The following CSTF1 variants were observed in gnomAD, a reference collection of about 807,000 sequenced individuals.
The protein encoded by CSTF1 is CF-1 50 kDa subunit.
In CSTF1, 2 loss-of-function variants were observed where a neutral mutation model predicts 40.9. The ratio of observed to expected loss-of-function variants is 0.05; its 90% CI spans 0.02 to 0.15. The LOEUF is 0.15. CSTF1 is among the 10% of genes least tolerant of loss of function. The pLI, the probability that CSTF1 is intolerant of heterozygous loss-of-function variation, is 1.00. For synonymous variants in CSTF1, 218 were observed against 207.2 expected, an observed-to-expected ratio of 1.05 and a Z score of -0.45; for missense variants, 279 against 558.9, an observed-to-expected ratio of 0.50 and a Z score of 5.05.
rs1000331001 is a variant in CSTF1, at chr20:56,405,926, T to A, written c.*2199T>A. The stretch of plus-strand genomic sequence containing the variant: ...TGTTTCCCTATTATTCTGCTTTGAC[T>A]CACATACTAAAATGACCACATGGCA... On this transcript the variant is annotated 3_prime_UTR_variant, in exon 6 of 6. Coordinates refer to ENST00000217109, the MANE Select transcript of CSTF1 (RefSeq NM_001324.3). 3 of 152,252 alleles carry A rather than the reference T, an allele frequency of 2.0e-5. No individual in the cohort carries two copies. The highest frequency in any genetic ancestry group is 7.2e-5 in the African/African-American group (3 of 41,476). 9.4% of individuals were successfully genotyped at this position (152,252 alleles called of 1,614,324 possible).
Position 56,397,992 on chromosome 20 carries a change from G to C in CSTF1, c.645+151G>C, listed in dbSNP as rs988893858. 2.4e-5 allele frequency: 16 copies of C among 659,462 alleles called. No homozygotes were observed. Among genetic ancestry groups the C allele is most frequent in the South Asian group, 7.7e-5 (4 of 51,762 alleles). 40.9% of individuals were successfully genotyped at this position (659,462 alleles called of 1,614,324 possible). On this transcript the variant is annotated intron_variant, in intron 4 of 5. Coordinates refer to ENST00000217109, the MANE Select transcript of CSTF1 (RefSeq NM_001324.3). This position sits in a 1 kb window ranked among gnomAD's most constrained non-coding sequence, Gnocchi z 4.4. ...CCCGATGGCACATGGATCAGATTTT[G>C]TTGGCACATAGATCACATGCTATCA...
At position 56,396,663 on chromosome 20, in the gene CSTF1, A is replaced by G. The variant is rs1159794107; in HGVS notation, c.170-544A>G. ...GTCATTTTTATTTTCTTGTTCATCCATAGTGTTAATTTTTCCTCTACTAAT... is the reference window on the plus strand; with the variant it reads ...GTCATTTTTATTTTCTTGTTCATCCGTAGTGTTAATTTTTCCTCTACTAAT... On this transcript the variant is annotated intron_variant, in intron 2 of 5. Coordinates refer to ENST00000217109, the MANE Select transcript of CSTF1 (RefSeq NM_001324.3). 2.6e-5 allele frequency among the ~76,000 whole-genome samples: 4 copies of G among 152,328 alleles called. No homozygotes were observed. The East Asian group carries it at 5.8e-4, about 22-fold the overall frequency.
intron 1 of CSTF1, among the ~76,000 whole-genome samples, chr20:56,394,177 T>C (rs1392143832): frequency 6.6e-6 from 1 of 152,238 alleles, no homozygotes; most frequent in Non-Finnish European, 1.5e-5. Context: ...ATTGAATGAT[T>C]TTATTCAGTG....
At chr20:56,395,903 T>G in intron 2 of CSTF1, 182 bp downstream of exon 2, 1 of 614,428 alleles carries the variant, frequency 1.6e-6, no homozygotes, top group East Asian at 2.9e-5. Context: ...AAAGCAAAGT[T>G]CAGATTATGA....
At chr20:56,394,566 G>A (rs1174399441) in intron 1 of CSTF1, among the ~76,000 whole-genome samples, 2 of 152,168 alleles carry the variant, frequency 1.3e-5, no homozygotes, top group African/African-American at 2.4e-5. Flanking sequence ...AAGCCTGGGC[G>A]ACAGAGCGAG....
At chr20:56,398,814 A>G (rs1442927400) in intron 4 of CSTF1, among the ~76,000 whole-genome samples, 153 bp from the exon 5 acceptor site, 1 of 152,220 alleles carries the variant, frequency 6.6e-6, no homozygotes, top group Non-Finnish European at 1.5e-5. Context: ...ATACTTTCAT[A>G]TGTTCCAGAA....
At position 56,397,014 on chromosome 20, in the gene CSTF1, C is replaced by T; in HGVS notation, c.170-193C>T. 1.7e-6 allele frequency: 1 copy of T among 589,270 alleles called. No homozygotes were observed. The highest frequency in any genetic ancestry group is 2.9e-6 in the Non-Finnish European group (1 of 341,974). The allele number at this position is 589,270 out of a possible 1,614,324, so 36.5% of individuals were successfully genotyped here. A position where few individuals can be genotyped will look rare whatever the true frequency, so the allele number is the denominator to read the frequency against. ...CCTAACCTTCCAGCAACCCATGTGGCCTCACAGCGTGGTGAACTTTGAATA... is the reference window on the plus strand; with the variant it reads ...CCTAACCTTCCAGCAACCCATGTGGTCTCACAGCGTGGTGAACTTTGAATA... On this transcript the variant is annotated intron_variant, in intron 2 of 5. Coordinates refer to ENST00000217109, the MANE Select transcript of CSTF1 (RefSeq NM_001324.3). This position sits in a 1 kb window ranked among gnomAD's most constrained non-coding sequence, Gnocchi z 4.4.
At position 56,403,757 on chromosome 20, in the gene CSTF1, G is replaced by C. The variant is rs185706466; in HGVS notation, c.*30G>C. The C allele has an allele frequency of 5.6e-4, 896 of 1,587,850 alleles. 8 individuals carry two copies. The African/African-American group carries it at 0.011, about 19-fold the overall frequency. ...CCCTCTCCGTAGGGTTCTTTCTCGA[G>C]GACTCTACCCTCCTCCCCCACGTCC... On this transcript the variant is annotated 3_prime_UTR_variant, in exon 6 of 6. Coordinates refer to ENST00000217109, the MANE Select transcript of CSTF1 (RefSeq NM_001324.3).
intron 1 of CSTF1, among the ~76,000 whole-genome samples, chr20:56,395,133 A>G (rs1987479635): frequency 6.6e-6 from 1 of 152,250 alleles, no homozygotes; most frequent in African/African-American, 2.4e-5. Flanking sequence ...TATCTTGCAT[A>G]TTGCAGGTAC....
intron 5 of CSTF1, among the ~76,000 whole-genome samples, chr20:56,400,336 G>A (rs1373446460): frequency 1.3e-5 from 2 of 152,104 alleles, no homozygotes; most frequent in African/African-American, 4.8e-5. Flanking sequence ...ATAATTCTTG[G>A]TGACTTCATT....
intron 5 of CSTF1, among the ~76,000 whole-genome samples, chr20:56,403,207 C>A (rs920492396): frequency 2.6e-5 from 4 of 151,426 alleles, no homozygotes; most frequent in Non-Finnish European, 5.9e-5. Context: ...CTTGCTCTTG[C>A]TCTGTTGCCT....
chr20:56,394,317 G>A (rs916313414), intron 1 of CSTF1, among the ~76,000 whole-genome samples: 6 of 152,140 alleles, frequency 3.9e-5, no homozygotes, highest in Non-Finnish European at 5.9e-5. Flanking sequence ...CAGGCGCAGT[G>A]GCTCGCGCCC....
At chr20:56,400,493 AGT>A (rs754117467) in intron 5 of CSTF1, among the ~76,000 whole-genome samples, 1 of 152,196 alleles carries the variant, frequency 6.6e-6, no homozygotes, top group Non-Finnish European at 1.5e-5. Flanking sequence ...TGTTTTAAGG[AGT>A]GTGCTGTATC....
At chr20:56,393,378 A>G (rs531794012) in intron 1 of CSTF1, among the ~76,000 whole-genome samples, 122 of 152,208 alleles carry the variant, frequency 8.0e-4, no homozygotes, top group Non-Finnish European at 1.6e-3. Context: ...GAGCTAGCAT[A>G]CGGAAATTAT....
Position 56,397,787 on chromosome 20 carries a change from T to C in CSTF1, c.591T>C (p.Leu197=), listed in dbSNP as rs1283532482. ...CTTCTGGTTCAAGGGATTATACTCT[T>C]AAATTATTTGATTATTCCAAACCAT... ...ILASGSRDYT[L]KLFDYSKPSA... is the part of the protein sequence containing the mutation. The change falls in exon 4 of 6, where the codon CTT becomes CTC. Residue 197 remains leucine, a synonymous_variant. Coordinates refer to ENST00000217109, the MANE Select transcript of CSTF1 (RefSeq NM_001324.3). This position sits in a 1 kb window ranked among gnomAD's most constrained non-coding sequence, Gnocchi z 4.4. 6.2e-7 allele frequency: 1 copy of C among 1,614,160 alleles called. No homozygotes were observed. Among genetic ancestry groups the C allele is most frequent in the Non-Finnish European group, 8.5e-7 (1 of 1,179,976 alleles).
chr20:56,398,649 T>A (rs1978331491), intron 4 of CSTF1, among the ~76,000 whole-genome samples: 1 of 152,222 alleles, frequency 6.6e-6, no homozygotes, highest in African/African-American at 2.4e-5. Context: ...TAGGTACAAG[T>A]TGTACTTCAG....
rs1978364676 is a variant in CSTF1 at position 56,399,571 on chromosome 20, C to G, written c.1036+214C>G. On this transcript the variant is annotated intron_variant, in intron 5 of 5. Transcript: ENST00000217109. The surrounding 1 kb of genome is among the most constrained non-coding windows in gnomAD (Gnocchi z 4.6). Reference sequence around the variant, plus strand: ...ATAGAACGGTGCTTTCTTTGCTCTTCTGAGCACCTCACACCGTGGACTAGG... The same window carrying G: ...ATAGAACGGTGCTTTCTTTGCTCTTGTGAGCACCTCACACCGTGGACTAGG... Among the ~76,000 whole-genome samples, 1 of 152,228 alleles carries G rather than the reference C, an allele frequency of 6.6e-6. No individual in the cohort carries two copies. Among genetic ancestry groups the G allele is most frequent in the South Asian group, 2.1e-4 (1 of 4,832 alleles).
At position 56,399,127 on chromosome 20, in the gene CSTF1, A is replaced by G. The variant is rs771051331; in HGVS notation, c.806A>G (p.Asn269Ser). The change falls in exon 5 of 6, where the codon AAT becomes AGT. Residue 269 changes from asparagine (N) to serine (S), a missense_variant. This residue lies in a region of CSTF1 where 162 missense variants were observed against 337.1 expected (regional missense o/e 0.48). Transcript: ENST00000217109. The surrounding 1 kb of genome is among the most constrained non-coding windows in gnomAD (Gnocchi z 4.6). ...DQHTDAICSVNYNSSANMYVT... is the reference protein window; with the variant it reads ...DQHTDAICSVSYNSSANMYVT... ...CACACCGATGCTATATGTTCCGTTA[A>G]TTACAATTCTAGTGCCAATATGTAC... 1.2e-6 allele frequency: 2 copies of G among 1,614,210 alleles called. No homozygotes were observed. Among genetic ancestry groups the G allele is most frequent in the Non-Finnish European group, 1.7e-6 (2 of 1,180,030 alleles).
rs1313533420 is a variant in CSTF1, at chr20:56,403,808, T to A, written c.*81T>A. ...TGTCTCAGCTGCAGTCGTAAGTCCG[T>A]GCACCATCCTTGACGTTTTGCTGCC... is the stretch of plus-strand genomic sequence containing the variant. On this transcript the variant is annotated 3_prime_UTR_variant, in exon 6 of 6. Coordinates refer to ENST00000217109, the MANE Select transcript of CSTF1 (RefSeq NM_001324.3). 7.0e-7 allele frequency: 1 copy of A among 1,425,904 alleles called. No individual in the cohort carries two copies. Among genetic ancestry groups the A allele is most frequent in the African/African-American group, 1.4e-5 (1 of 70,718 alleles). The allele number at this position is 1,425,904 out of a possible 1,614,324, so 88.3% of individuals were successfully genotyped here. A position where few individuals can be genotyped will look rare whatever the true frequency, so the allele number is the denominator to read the frequency against.
Sources: gnomAD v4.1 joint callset for allele counts (sites outside exome capture counted in the v4.1 genomes callset) on GRCh38, gnomAD v4.1.1 for gene constraint, gnomAD v4.1.1 regional missense constraint, Gnocchi (gnomAD v3.1) non-coding constraint, MANE v1.5 for transcripts, NCBI Gene and HGNC (gene_info 2026-07-23, HGNC 2026-07-21) for gene names.